The following EPHA5 variants were observed in gnomAD, a reference collection of about 807,000 sequenced individuals.
The protein encoded by EPHA5 is ephrin type-A receptor 5.
EPHA5 carries 60 observed loss-of-function variants against 105.0 expected under a neutral mutation model. That is an observed-to-expected ratio of 0.57 (90% CI 0.46 to 0.71). The LOEUF (loss-of-function observed/expected upper bound fraction) is 0.71, where lower values mean the gene tolerates loss of function less well. EPHA5 is among the 30% of genes least tolerant of loss of function. EPHA5 has a pLI of 0.00. For synonymous variants in EPHA5, 513 were observed against 449.1 expected (o/e 1.14, Z -1.80); for missense variants, 1,218 against 1,274.7 (o/e 0.96, Z 0.68).
intron 3 of EPHA5, among the ~76,000 whole-genome samples, chr4:65,534,773 G>C (rs977928935): frequency 9.2e-5 from 14 of 152,100 alleles, no homozygotes; most frequent in African/African-American, 3.4e-4. Context: ...TTTGAGTTTA[G>C]ATTATTCTAG....
intron 3 of EPHA5, among the ~76,000 whole-genome samples, chr4:65,598,579 T>C (rs1743402600): frequency 6.6e-6 from 1 of 152,156 alleles, no homozygotes; most frequent in Admixed American, 6.6e-5. Flanking sequence ...ATTAAACAGA[T>C]AACAAGTATG....
rs1560458181 is a variant in EPHA5, at chr4:65,365,682, TATATATA to T, written c.1987+243_1987+249del. ...ATATATATATATATATATATATATA[TATATATA>T]GTGAAACATTATCTATTTAAAATAT... is the stretch of plus-strand genomic sequence containing the variant. On this transcript the variant is annotated intron_variant, in intron 10 of 16. Transcript: ENST00000613740. Among the ~76,000 whole-genome samples, 45 of 114,498 alleles carry T rather than the reference TATATATA, an allele frequency of 3.9e-4. 2 individuals carry two copies. The highest frequency in any genetic ancestry group is 1.5e-3 in the South Asian group (6 of 3,900). The allele number at this position is 114,498 out of a possible 152,430, so 75.1% of individuals were successfully genotyped here. A position where few individuals can be genotyped will look rare whatever the true frequency, so the allele number is the denominator to read the frequency against.
In EPHA5 at chr4:65,608,990, A is replaced by G. The variant is rs190141181; in HGVS notation, c.247-6686T>C. On this transcript the variant is annotated intron_variant, in intron 2 of 16. Transcript: ENST00000613740. The stretch of plus-strand genomic sequence containing the variant: ...ATGAACTAGGTATTTATGTTTTCAA[A>G]AGACAAAATTATGTGCCCTTGTTGT... Among the ~76,000 whole-genome samples, 841 of 152,298 alleles carry G rather than the reference A, an allele frequency of 5.5e-3. 7 individuals are homozygous for G. Among genetic ancestry groups the G allele is most frequent in the South Asian group, 0.016 (79 of 4,826 alleles).
intron 3 of EPHA5, among the ~76,000 whole-genome samples, chr4:65,598,178 T>A (rs1560752144): frequency 6.6e-6 from 1 of 152,198 alleles, no homozygotes; most frequent in Non-Finnish European, 1.5e-5. Flanking sequence ...GTATGTGATG[T>A]TCTGTGCTCT....
intron 5 of EPHA5, among the ~76,000 whole-genome samples, chr4:65,462,619 C>T (rs1325508667): frequency 6.6e-6 from 1 of 152,180 alleles, no homozygotes; most frequent in African/African-American, 2.4e-5. Flanking sequence ...CCTCTCTCCA[C>T]ATGCTCTCTC....
chr4:65,355,931 C>T (rs571113333), intron 11 of EPHA5, among the ~76,000 whole-genome samples: 1 of 151,618 alleles, frequency 6.6e-6, no homozygotes, highest in East Asian at 1.9e-4. Context: ...CAGAAATCCT[C>T]CATGTGTGGC....
intron 5 of EPHA5, among the ~76,000 whole-genome samples, chr4:65,433,501 G>A (rs1420701534): frequency 6.6e-6 from 1 of 152,112 alleles, no homozygotes; most frequent in East Asian, 1.9e-4. Context: ...TATTCACCCA[G>A]AAACTCAGAT....
intron 2 of EPHA5, among the ~76,000 whole-genome samples, chr4:65,641,350 A>G (rs1747648833): frequency 6.6e-6 from 1 of 152,162 alleles, no homozygotes; most frequent in South Asian, 2.1e-4. Flanking sequence ...TGTTGTTTGA[A>G]TCCAGAGTTC....
At chr4:65,518,749 T>TAC (rs1288453579) in intron 3 of EPHA5, among the ~76,000 whole-genome samples, 1 of 151,690 alleles carries the variant, frequency 6.6e-6, no homozygotes, top group African/African-American at 2.4e-5. Flanking sequence ...GAGCAAAGGA[T>TAC]ACAAGACTAA....
At chr4:65,537,680 T>C (rs934524425) in intron 3 of EPHA5, among the ~76,000 whole-genome samples, 1 of 151,756 alleles carries the variant, frequency 6.6e-6, no homozygotes, top group Non-Finnish European at 1.5e-5. Flanking sequence ...TTTTCTTATA[T>C]AGAAGGATTG....
At chr4:65,387,077 T>C (rs773985544) in intron 8 of EPHA5, among the ~76,000 whole-genome samples, 15 of 151,692 alleles carry the variant, frequency 9.9e-5, no homozygotes, top group Admixed American at 6.6e-5. Flanking sequence ...TGTTGGAAAA[T>C]AGCTAAAGTG....
At chr4:65,578,909 A>T (rs1048461241) in intron 3 of EPHA5, among the ~76,000 whole-genome samples, 1 of 152,222 alleles carries the variant, frequency 6.6e-6, no homozygotes, top group Non-Finnish European at 1.5e-5. Context: ...GTAAAATGCT[A>T]AAGACCGCTA....
At chr4:65,472,648 C>A (rs1173815682) in intron 5 of EPHA5, among the ~76,000 whole-genome samples, 1 of 152,274 alleles carries the variant, frequency 6.6e-6, no homozygotes, top group Non-Finnish European at 1.5e-5. Flanking sequence ...ACCTTGGCAC[C>A]TTTTAGCCAC....
In EPHA5 at chr4:65,643,267, AACATATACATCCAG is replaced by A. The variant is rs565012766; in HGVS notation, c.246+82_246+95del. 357 of 995,990 alleles carry A rather than the reference AACATATACATCCAG, an allele frequency of 3.6e-4. 5 individuals carry two copies. The South Asian group carries it at 4.0e-3, about 11-fold the overall frequency. 61.7% of individuals were successfully genotyped at this position (995,990 alleles called of 1,614,324 possible). A position where few individuals can be genotyped will look rare whatever the true frequency, so the allele number is the denominator to read the frequency against. ...CACACATAGCACCTCCTGTCTTAAC[AACATATACATCCAG>A]TACATATTCATTCCTGTGTTACAAG... On this transcript the variant is annotated intron_variant, in intron 2 of 16. Transcript: ENST00000613740.
intron 8 of EPHA5, among the ~76,000 whole-genome samples, chr4:65,374,339 T>C (rs1038491360): frequency 7.9e-5 from 12 of 151,928 alleles, no homozygotes; most frequent in Non-Finnish European, 1.6e-4. Context: ...TGTTTATGAA[T>C]GTCACAACAA....
At chr4:65,659,811 T>G (rs1232257447) in intron 1 of EPHA5, among the ~76,000 whole-genome samples, 2 of 152,124 alleles carry the variant, frequency 1.3e-5, no homozygotes, top group African/African-American at 4.8e-5. Context: ...GTAAAAAAGC[T>G]AAGCCTTATA....
At chr4:65,381,564 T>C (rs1291597796) in intron 8 of EPHA5, among the ~76,000 whole-genome samples, 1 of 151,854 alleles carries the variant, frequency 6.6e-6, no homozygotes, top group Non-Finnish European at 1.5e-5. Flanking sequence ...ACATAGCTAA[T>C]ATTAACCAAA....
At chr4:65,471,207 C>T (rs573842206) in intron 5 of EPHA5, among the ~76,000 whole-genome samples, 1 of 152,274 alleles carries the variant, frequency 6.6e-6, no homozygotes, top group African/African-American at 2.4e-5. Flanking sequence ...TTTCTTTTAA[C>T]AGTCCTAACT....
chr4:65,511,685 T>C (rs1578295390), intron 3 of EPHA5, among the ~76,000 whole-genome samples: 2 of 152,206 alleles, frequency 1.3e-5, no homozygotes, highest in African/African-American at 4.8e-5. Flanking sequence ...GTTTTGTAAA[T>C]CTTAGCTCAC....
Sources: gnomAD v4.1 joint callset for allele counts (sites outside exome capture counted in the v4.1 genomes callset) on GRCh38, gnomAD v4.1.1 for gene constraint, MANE v1.5 for transcripts, NCBI Gene and HGNC (gene_info 2026-07-23, HGNC 2026-07-21) for gene names.